Variants in CYYR1 observed in about 807,000 individuals in gnomAD.
The protein encoded by CYYR1 is cysteine and tyrosine rich 1, also known as cysteine and tyrosine-rich protein 1.
In CYYR1, 14 loss-of-function variants were observed where a neutral mutation model predicts 15.2. The ratio of observed to expected loss-of-function variants is 0.92; its 90% CI spans 0.61 to 1.44. The LOEUF is 1.44. CYYR1 is among the 40% of genes most tolerant of loss of function. CYYR1 has a pLI of 0.00. For synonymous variants in CYYR1, 80 were observed against 77.4 expected, an observed-to-expected ratio of 1.03 and a Z score of -0.18; for missense variants, 228 against 209.5, an observed-to-expected ratio of 1.09 and a Z score of -0.54.
chr21:26,505,931 C>G (rs2065553593), intron 2 of CYYR1, among the ~76,000 whole-genome samples: 1 of 152,200 alleles, frequency 6.6e-6, no homozygotes, highest in Non-Finnish European at 1.5e-5. Context: ...GACCCTTTCT[C>G]TGCTTTGTTA....
intron 2 of CYYR1, among the ~76,000 whole-genome samples, chr21:26,552,553 C>G (rs763950180): frequency 5.3e-5 from 8 of 151,934 alleles, no homozygotes; most frequent in Non-Finnish European, 8.8e-5. Context: ...ATTCCTTTGA[C>G]TCCCCTTTTC....
intron 2 of CYYR1, among the ~76,000 whole-genome samples, chr21:26,534,602 C>T (rs533423400): frequency 6.6e-6 from 1 of 152,132 alleles, no homozygotes; most frequent in Non-Finnish European, 1.5e-5. Context: ...ATCGTTGCCA[C>T]TTAACCACCT....
intron 3 of CYYR1, among the ~76,000 whole-genome samples, chr21:26,478,829 T>C (rs560192606): frequency 4.4e-4 from 67 of 151,996 alleles, no homozygotes; most frequent in Non-Finnish European, 7.9e-4. Flanking sequence ...ACTGTATATA[T>C]TTTGAAGGTA....
intron 2 of CYYR1, among the ~76,000 whole-genome samples, chr21:26,525,847 T>A (rs186774346): frequency 1.3e-5 from 2 of 152,268 alleles, no homozygotes; most frequent in East Asian, 3.9e-4. Flanking sequence ...TGAAAGATAG[T>A]TACAGGCAGT....
At chr21:26,547,680 C>T (rs1979067816) in intron 2 of CYYR1, among the ~76,000 whole-genome samples, 2 of 152,136 alleles carry the variant, frequency 1.3e-5, no homozygotes, top group South Asian at 2.1e-4. Context: ...TTTCAACGAA[C>T]CTTCAGAGGG....
intron 2 of CYYR1, among the ~76,000 whole-genome samples, chr21:26,527,501 AT>A (rs552039451): frequency 1.3e-5 from 2 of 152,164 alleles, no homozygotes; most frequent in Non-Finnish European, 2.9e-5. Context: ...AGCTTTTTAT[AT>A]TTTTCCTGAA....
At chr21:26,555,676 G>A (rs1979724016) in intron 2 of CYYR1, among the ~76,000 whole-genome samples, 1 of 152,098 alleles carries the variant, frequency 6.6e-6, no homozygotes, top group South Asian at 2.1e-4. Context: ...TTCACCCATA[G>A]CACTTTCAGA....
rs530921349 is a variant in CYYR1 at position 26,486,896 on chromosome 21, G to A, written c.177-6467C>T. On this transcript the variant is annotated intron_variant, in intron 2 of 3. Transcript: ENST00000652641. ...AATATTTAAGGAAAATAGCAGATAT[G>A]AAAAGTACGCCAGAGTAATATTTAT... is the stretch of plus-strand genomic sequence containing the variant. Among the ~76,000 whole-genome samples the A allele has an allele frequency of 2.4e-3, 364 of 152,108 alleles. 1 individual carries two copies. The highest frequency in any genetic ancestry group is 8.1e-3 in the African/African-American group (336 of 41,556).
At chr21:26,478,331 G>C (rs1244794200) in intron 3 of CYYR1, among the ~76,000 whole-genome samples, 1 of 152,056 alleles carries the variant, frequency 6.6e-6, no homozygotes, top group Non-Finnish European at 1.5e-5. Context: ...GGTGACCTTT[G>C]ATTAAAGACT....
intron 2 of CYYR1, among the ~76,000 whole-genome samples, chr21:26,533,292 C>T (rs750759331): frequency 5.3e-5 from 8 of 150,970 alleles, no homozygotes; most frequent in East Asian, 3.9e-4. Flanking sequence ...AATTGGCTTA[C>T]GGAATTATGA....
intron 2 of CYYR1, among the ~76,000 whole-genome samples, chr21:26,489,168 T>C (rs1202167956): frequency 6.6e-6 from 1 of 152,194 alleles, no homozygotes; most frequent in Non-Finnish European, 1.5e-5. Context: ...GGATTGTTCC[T>C]CATATCTTAC....
At chr21:26,524,289 TA>T (rs967775599) in intron 2 of CYYR1, among the ~76,000 whole-genome samples, 19 of 152,220 alleles carry the variant, frequency 1.2e-4, no homozygotes, top group African/African-American at 4.6e-4. Flanking sequence ...CCTATATCAT[TA>T]AAAAGTGCTT....
At chr21:26,555,106 A>G (rs897589691) in intron 2 of CYYR1, among the ~76,000 whole-genome samples, 17 of 152,152 alleles carry the variant, frequency 1.1e-4, no homozygotes, top group African/African-American at 3.6e-4. Context: ...TTTCTGTGGT[A>G]TTTCTCTTAC....
At chr21:26,518,629 A>G (rs575128393) in intron 2 of CYYR1, 2 of 152,356 alleles carry the variant, frequency 1.3e-5, no homozygotes, top group Admixed American at 1.3e-4. Flanking sequence ...TAGCTGCAGC[A>G]GACAGACTAA....
At chr21:26,508,850 T>A (rs1272697579) in intron 2 of CYYR1, among the ~76,000 whole-genome samples, 1 of 152,182 alleles carries the variant, frequency 6.6e-6, no homozygotes, top group Non-Finnish European at 1.5e-5. Context: ...TTAGGAAACT[T>A]AGATAGAAGC....
intron 2 of CYYR1, 52 bp downstream of exon 2, chr21:26,566,214 C>T (rs952498040): frequency 4.5e-6 from 6 of 1,325,188 alleles, no homozygotes; most frequent in Non-Finnish European, 6.5e-6. Context: ...CATAACTGGA[C>T]AACTGGACAA....
intron 3 of CYYR1, among the ~76,000 whole-genome samples, chr21:26,474,637 C>T (rs894967934): frequency 6.6e-6 from 1 of 152,056 alleles, no homozygotes; most frequent in Non-Finnish European, 1.5e-5. Context: ...CTTCTCTTAT[C>T]GTTCTTGTGA....
intron 1 of CYYR1, among the ~76,000 whole-genome samples, chr21:26,569,475 A>G (rs1980870927): frequency 6.6e-6 from 1 of 152,174 alleles, no homozygotes; most frequent in Non-Finnish European, 1.5e-5. Flanking sequence ...TTGAAAAACT[A>G]ACTATTGGGT....
chr21:26,553,897 T>TTAGAATTGA (rs1160280949), intron 2 of CYYR1, among the ~76,000 whole-genome samples: 1 of 152,216 alleles, frequency 6.6e-6, no homozygotes, highest in African/African-American at 2.4e-5. Flanking sequence ...GAAACTCATT[T>TTAGAATTGA]TAGAATTGAT....
Sources: gnomAD v4.1 joint callset for allele counts (sites outside exome capture counted in the v4.1 genomes callset) on GRCh38, gnomAD v4.1.1 for gene constraint, MANE v1.5 for transcripts, NCBI Gene and HGNC (gene_info 2026-07-23, HGNC 2026-07-21) for gene names.